The following MAPK4 variants were observed in gnomAD, a reference collection of about 807,000 sequenced individuals.
The protein encoded by MAPK4 is mitogen-activated protein kinase 4, also known as Erk3-related.
A neutral mutation model predicts 47.7 loss-of-function variants in MAPK4; 22 were observed. That is an observed-to-expected ratio of 0.46 (90% CI 0.33 to 0.66). The LOEUF (loss-of-function observed/expected upper bound fraction) is 0.66, where lower values mean the gene tolerates loss of function less well. Among genes scored for constraint, MAPK4 ranks in the 30% least tolerant of loss-of-function variants. The pLI is 0.02. For synonymous variants in MAPK4, 390 were observed against 365.7 expected, an observed-to-expected ratio of 1.07 and a Z score of -0.76; for missense variants, 736 against 831.7, an observed-to-expected ratio of 0.88 and a Z score of 1.42.
chr18:50,560,423 G>A (rs908568122), intron 1 of MAPK4, among the ~76,000 whole-genome samples, 180 bp downstream of exon 1: 1 of 151,960 alleles, frequency 6.6e-6, no homozygotes, highest in African/African-American at 2.4e-5. Context: ...CCGAGCGGCG[G>A]GGGTCTCCCG....
intron 1 of MAPK4, among the ~76,000 whole-genome samples, chr18:50,644,809 G>A (rs966714408): frequency 3.9e-5 from 6 of 152,150 alleles, no homozygotes; most frequent in Non-Finnish European, 8.8e-5. Flanking sequence ...AGAGGGCACC[G>A]CAGAGAAAGA....
chr18:50,562,548 GGTGAGAGAGTCTAA>G (rs2042163330), intron 1 of MAPK4, among the ~76,000 whole-genome samples: 1 of 152,150 alleles, frequency 6.6e-6, no homozygotes, highest in Non-Finnish European at 1.5e-5. Flanking sequence ...GTGATGTTGG[GGTGAGAGAGTCTAA>G]GTCCCATCAT....
rs150682497 is a variant in MAPK4, at chr18:50,701,167, C to T, written c.547-13912C>T. 5.9e-3 allele frequency among the ~76,000 whole-genome samples: 880 copies of T among 150,192 alleles called. 10 individuals are homozygous for T. The highest frequency in any genetic ancestry group is 0.021 in the African/African-American group (841 of 40,516). On this transcript the variant is annotated intron_variant, in intron 2 of 5. Coordinates refer to ENST00000400384, the MANE Select transcript of MAPK4 (RefSeq NM_002747.4). ...TTTCCAAGCTTAAATTCTAACAAGA[C>T]ACCCCCACCCCCACCCCCATCCTCC...
chr18:50,612,826 G>T (rs1477423711), intron 1 of MAPK4, among the ~76,000 whole-genome samples: 6 of 152,192 alleles, frequency 3.9e-5, no homozygotes, highest in Non-Finnish European at 8.8e-5. Flanking sequence ...AAAGCAGAAA[G>T]TGACAGGTTC....
chr18:50,610,294 AG>A (rs1373898574), intron 1 of MAPK4, among the ~76,000 whole-genome samples: 2 of 152,206 alleles, frequency 1.3e-5, no homozygotes, highest in South Asian at 2.1e-4. Flanking sequence ...CCTTCAGAGG[AG>A]GGACCATCAC....
At chr18:50,644,107 A>G (rs999919307) in intron 1 of MAPK4, among the ~76,000 whole-genome samples, 1 of 152,136 alleles carries the variant, frequency 6.6e-6, no homozygotes, top group Admixed American at 6.5e-5. Context: ...ACTTGAGTCC[A>G]AGAAGATTTG....
intron 1 of MAPK4, among the ~76,000 whole-genome samples, chr18:50,590,846 T>G (rs736617): frequency 0.41 from 62,087 of 151,868 alleles, 13,692 homozygotes; most frequent in Non-Finnish European, 0.49. Context: ...GGCTGGTAAA[T>G]CATACAGTCT....
upstream of MAPK4, among the ~76,000 whole-genome samples, chr18:50,559,919 G>GGGCA (rs1276558779): frequency 6.6e-6 from 1 of 151,148 alleles, no homozygotes; most frequent in Non-Finnish European, 1.5e-5. Context: ...GGCTGCGGGA[G>GGGCA]GGCAGAGCAG....
In MAPK4 at chr18:50,730,771, C is replaced by T. The variant is rs1029285522; in HGVS notation, c.*917C>T. ...GTTGAAGGCACCAATTCCAAGAATC[C>T]CTCCAACCTCCCTGCCAGCACTCCC... On this transcript the variant is annotated 3_prime_UTR_variant, in exon 6 of 6. Transcript: ENST00000400384. 1.3e-5 allele frequency: 2 copies of T among 152,484 alleles called. No individual in the cohort carries two copies. The highest frequency in any genetic ancestry group is 4.8e-5 in the African/African-American group (2 of 41,404). 9.4% of individuals were successfully genotyped at this position (152,484 alleles called of 1,614,324 possible).
At chr18:50,578,710 G>A (rs575262526) in intron 1 of MAPK4, among the ~76,000 whole-genome samples, 57 of 152,300 alleles carry the variant, frequency 3.7e-4, no homozygotes, top group African/African-American at 1.4e-3. Flanking sequence ...TAAGGAAGAG[G>A]AAGAGCCGTT....
intron 2 of MAPK4, among the ~76,000 whole-genome samples, chr18:50,680,368 A>G (rs1026030892): frequency 6.6e-6 from 1 of 152,074 alleles, no homozygotes; most frequent in East Asian, 1.9e-4. Flanking sequence ...CTGGGATTAC[A>G]GGTGTGAGCC....
At chr18:50,701,199 A>G (rs79396255) in intron 2 of MAPK4, among the ~76,000 whole-genome samples, 4,115 of 93,290 alleles carry the variant, frequency 0.044, 103 homozygotes, top group Admixed American at 0.095. Flanking sequence ...CTCCTTGGCC[A>G]TTATCCTCTT....
At position 50,701,247 on chromosome 18, in the gene MAPK4, C is replaced by T. The variant is rs376315652; in HGVS notation, c.547-13832C>T. ...TTACTCTGGTCAGGGCCAGATTTACCGTGGAGTCCATGAAACTTAACCCCA... is the reference window on the plus strand; with the variant it reads ...TTACTCTGGTCAGGGCCAGATTTACTGTGGAGTCCATGAAACTTAACCCCA... On this transcript the variant is annotated intron_variant, in intron 2 of 5. Coordinates refer to ENST00000400384, the MANE Select transcript of MAPK4 (RefSeq NM_002747.4). Among the ~76,000 whole-genome samples the T allele has an allele frequency of 1.1e-4, 17 of 149,454 alleles. 1 individual carries two copies. Among genetic ancestry groups the T allele is most frequent in the East Asian group, 1.0e-3 (5 of 4,922 alleles).
At chr18:50,634,510 G>A (rs534990013) in intron 1 of MAPK4, among the ~76,000 whole-genome samples, 17 of 152,150 alleles carry the variant, frequency 1.1e-4, no homozygotes, top group African/African-American at 4.1e-4. Flanking sequence ...GATCATTGGC[G>A]TGGATCACAT....
Position 50,679,865 on chromosome 18 carries a change from C to G in MAPK4, c.546+15361C>G, listed in dbSNP as rs531295835. Among the ~76,000 whole-genome samples, 8 of 152,186 alleles carry G rather than the reference C, an allele frequency of 5.3e-5. No homozygotes were observed. In the South Asian group the frequency reaches 1.7e-3, roughly 32 times the overall value. ...CTCCTCCCTGCCCTCCTTCCTGTGT[C>G]CCTCCTGGTGGCCTCTCCCCGTGCT... On this transcript the variant is annotated intron_variant, in intron 2 of 5. Coordinates refer to ENST00000400384, the MANE Select transcript of MAPK4 (RefSeq NM_002747.4).
intron 1 of MAPK4, among the ~76,000 whole-genome samples, chr18:50,574,762 T>C (rs1161278363): frequency 6.6e-6 from 1 of 152,232 alleles, no homozygotes. Flanking sequence ...AAACCTGCTA[T>C]ATAAACATCA....
At chr18:50,660,742 G>C (rs2043161894) in intron 1 of MAPK4, among the ~76,000 whole-genome samples, 1 of 152,128 alleles carries the variant, frequency 6.6e-6, no homozygotes, top group Non-Finnish European at 1.5e-5. Context: ...AAATGGGGGT[G>C]GTGGGGAAGC....
chr18:50,568,197 A>C (rs541500125), intron 1 of MAPK4, among the ~76,000 whole-genome samples: 3 of 146,070 alleles, frequency 2.1e-5, no homozygotes, highest in Admixed American at 6.8e-5. Flanking sequence ...CGCTGTCCCA[A>C]AAAAAAAAAA....
intron 1 of MAPK4, among the ~76,000 whole-genome samples, chr18:50,634,314 T>C (rs1192149377): frequency 1.7e-4 from 10 of 59,576 alleles, no homozygotes; most frequent in Middle Eastern, 0.011. Context: ...GTTTTTTTTT[T>C]CTTTTTTTTT....
Sources: allele counts gnomAD v4.1 joint callset (sites outside exome capture counted in the v4.1 genomes callset), GRCh38; gene constraint gnomAD v4.1.1; transcripts MANE v1.5; gene names NCBI Gene and HGNC (gene_info 2026-07-23, HGNC 2026-07-21).